Variants in TECR observed in about 807,000 individuals in gnomAD.
The protein encoded by TECR is very-long-chain enoyl-CoA reductase.
Under a neutral mutation model 50.6 loss-of-function variants are expected in TECR, and 19 were observed. That is an observed-to-expected ratio of 0.38 (90% confidence interval 0.26 to 0.55). The LOEUF is 0.55. Among genes scored for constraint, TECR ranks in the 20% least tolerant of loss-of-function variants. The pLI is 0.79. For missense variants in TECR, 313 were observed against 408.3 expected (o/e 0.77, Z 2.01); for synonymous variants, 168 against 163.5 (o/e 1.03, Z -0.21).
chr19:14,559,083 G>T (rs1258861554), intron 1 of TECR, among the ~76,000 whole-genome samples: 1 of 152,162 alleles, frequency 6.6e-6, no homozygotes, highest in Non-Finnish European at 1.5e-5. Flanking sequence ...CCCTCTGAGG[G>T]GTGGGGAACC....
At chr19:14,558,222 GGTT>G (rs2073797253) in intron 1 of TECR, among the ~76,000 whole-genome samples, 1 of 152,146 alleles carries the variant, frequency 6.6e-6, no homozygotes, top group Admixed American at 6.5e-5. Context: ...TGCTTCTCTG[GGTT>G]GTTCACCCAC....
In TECR at chr19:14,546,987, A is replaced by G. The variant is rs144262863; in HGVS notation, c.16-15538A>G. Among the ~76,000 whole-genome samples the G allele has an allele frequency of 7.9e-3, 1,209 of 152,272 alleles. 6 individuals are homozygous for G. Among genetic ancestry groups the G allele is most frequent in the Middle Eastern group, 0.014 (4 of 294 alleles). Reference sequence around the variant, plus strand: ...TGGGATTACAGGCATGAGCCACTGCACCCAGCCTAAAAATTAAATTTCAAT... The same window carrying G: ...TGGGATTACAGGCATGAGCCACTGCGCCCAGCCTAAAAATTAAATTTCAAT... On this transcript the variant is annotated intron_variant, in intron 1 of 12. Coordinates refer to ENST00000215567, the MANE Select transcript of TECR (RefSeq NM_138501.6).
chr19:14,543,209 C>CT (rs943725994), intron 1 of TECR, among the ~76,000 whole-genome samples: 1 of 146,508 alleles, frequency 6.8e-6, no homozygotes, highest in African/African-American at 2.5e-5. Context: ...CCTCAAGTGT[C>CT]TAACTCAGGA....
chr19:14,553,485 C>T (rs575788354), intron 1 of TECR, among the ~76,000 whole-genome samples: 8 of 152,218 alleles, frequency 5.3e-5, no homozygotes, highest in African/African-American at 1.4e-4. Context: ...CACTGAGAAA[C>T]GAGGTCATAC....
At position 14,565,938 on chromosome 19, in the gene TECR, A is replaced by T; in HGVS notation, c.*67A>T. 1 of 1,541,906 alleles carries T rather than the reference A, an allele frequency of 6.5e-7. No individual in the cohort carries two copies. Among genetic ancestry groups the T allele is most frequent in the South Asian group, 1.2e-5 (1 of 85,028 alleles). On this transcript the variant is annotated 3_prime_UTR_variant, in exon 13 of 13. Transcript: ENST00000215567. ...ATTCTGGGGGAGGAGTGGGGCCCAC[A>T]GCTCTCCAGCACCCGGAATAAAGCC... is the stretch of plus-strand genomic sequence containing the variant.
chr19:14,565,978 G>A lies in TECR; in HGVS notation c.*107G>A, dbSNP rs779873266. 3.7e-5 allele frequency: 58 copies of A among 1,553,684 alleles called. No individual in the cohort carries two copies. The highest frequency in any genetic ancestry group is 5.0e-5 in the Non-Finnish European group (57 of 1,150,078). Reference sequence around the variant, plus strand: ...GGAATAAAGCCCGCCTGCCCCAGTCGGACTCGGGCTCTGTGTGTTTCTTTC... The same window carrying A: ...GGAATAAAGCCCGCCTGCCCCAGTCAGACTCGGGCTCTGTGTGTTTCTTTC... On this transcript the variant is annotated 3_prime_UTR_variant, in exon 13 of 13. Transcript: ENST00000215567.
chr19:14,565,484 C>T (rs990246069), intron 11 of TECR, 134 bp from the exon 12 acceptor site: 8 of 1,436,996 alleles, frequency 5.6e-6, no homozygotes, highest in Non-Finnish European at 7.6e-6. Flanking sequence ...GTATACAGCC[C>T]CGCCTCCGCT....
intron 1 of TECR, among the ~76,000 whole-genome samples, chr19:14,542,352 T>G (rs369089400): frequency 0.017 from 1,278 of 73,618 alleles, 32 homozygotes; most frequent in African/African-American, 0.058. Flanking sequence ...ATAGTGTTTT[T>G]TTTTTTTTTT....
At chr19:14,549,977 G>T (rs889139433) in intron 1 of TECR, among the ~76,000 whole-genome samples, 1 of 151,600 alleles carries the variant, frequency 6.6e-6, no homozygotes, top group African/African-American at 2.4e-5. Context: ...CTATACACCT[G>T]CCCCCTTCAA....
At chr19:14,554,614 C>G (rs1176962540) in intron 1 of TECR, among the ~76,000 whole-genome samples, 1 of 152,178 alleles carries the variant, frequency 6.6e-6, no homozygotes, top group Non-Finnish European at 1.5e-5. Flanking sequence ...GGCTGCGCCT[C>G]CAGGGGATGA....
At chr19:14,553,507 T>G (rs568376484) in intron 1 of TECR, among the ~76,000 whole-genome samples, 20 of 152,142 alleles carry the variant, frequency 1.3e-4, no homozygotes, top group Non-Finnish European at 2.4e-4. Context: ...CTGAGGCCAC[T>G]GGGGAAGGTG....
At chr19:14,536,973 AG>A (rs2072921524) in intron 1 of TECR, among the ~76,000 whole-genome samples, 1 of 8,968 alleles carries the variant, frequency 1.1e-4, no homozygotes, top group South Asian at 3.4e-3. Context: ...GGGGCCGAGG[AG>A]GGGGCGGGGC....
intron 7 of TECR, 181 bp from the exon 8 acceptor site, chr19:14,564,605 A>T (rs1482718925): frequency 4.8e-5 from 7 of 144,886 alleles, no homozygotes; most frequent in African/African-American, 8.5e-5. Flanking sequence ...CCTGTCCACC[A>T]CGCCCTCACA....
At chr19:14,535,586 A>ATATG (rs1266273826) in intron 1 of TECR, among the ~76,000 whole-genome samples, 35 of 41,072 alleles carry the variant, frequency 8.5e-4, no homozygotes, top group Admixed American at 1.9e-3. Context: ...ATATATATAT[A>ATATG]TATGTATGTA....
chr19:14,554,398 G>A (rs1242718537), intron 1 of TECR, among the ~76,000 whole-genome samples: 2 of 152,184 alleles, frequency 1.3e-5, no homozygotes, highest in South Asian at 2.1e-4. Flanking sequence ...GCTCTGGCCC[G>A]GGTCTGCCCC....
chr19:14,565,284 C>A lies in TECR; in HGVS notation c.747C>A (p.Thr249=), dbSNP rs778110804. ...TGCTGGTGTCCTGCCCCAACTACAC[C>A]TACGAGGTGAGGGGCTGCCTTACCC... is the stretch of plus-strand genomic sequence containing the variant. ...LFLLVSCPNY[T]YEVGSWIGFA... is the part of the protein sequence containing the mutation. Residue 249 remains threonine (T), a synonymous_variant, in exon 11 of 13, where the codon ACC becomes ACA. Transcript: ENST00000215567. 168 of 1,613,136 alleles carry A rather than the reference C, an allele frequency of 1.0e-4. No individual in the cohort carries two copies. The highest frequency in any genetic ancestry group is 1.3e-4 in the Non-Finnish European group (159 of 1,179,962).
At chr19:14,564,700 T>G in intron 7 of TECR, 86 bp from the exon 8 acceptor site, 2 of 1,377,794 alleles carry the variant, frequency 1.5e-6, no homozygotes, top group Non-Finnish European at 2.0e-6. Flanking sequence ...CCCACCATGC[T>G]CCCAGGCCCC....
intron 1 of TECR, among the ~76,000 whole-genome samples, chr19:14,553,332 G>C (rs10426847): frequency 0.028 from 4,263 of 152,254 alleles, 188 homozygotes; most frequent in African/African-American, 0.097. Flanking sequence ...CGTCTTGCCA[G>C]CACAGGTAGA....
intron 1 of TECR, among the ~76,000 whole-genome samples, chr19:14,548,020 G>A (rs2073364718): frequency 6.7e-6 from 1 of 148,986 alleles, no homozygotes; most frequent in South Asian, 2.1e-4. Flanking sequence ...CTGGAGTGCA[G>A]TGGTGTGATC....
Sources: gnomAD v4.1 joint callset for allele counts (sites outside exome capture counted in the v4.1 genomes callset) on GRCh38, gnomAD v4.1.1 for gene constraint, MANE v1.5 for transcripts, NCBI Gene and HGNC (gene_info 2026-07-23, HGNC 2026-07-21) for gene names.